Variants in TMTC2 observed in about 807,000 individuals in gnomAD.
TMTC2 encodes transmembrane O-mannosyltransferase targeting cadherins 2.
TMTC2 carries 43 observed loss-of-function variants against 82.4 expected under a neutral mutation model. The observed-to-expected ratio is 0.52, with a 90% CI of 0.41 to 0.67. The LOEUF (loss-of-function observed/expected upper bound fraction) is 0.67, where lower values mean the gene tolerates loss of function less well. Among genes scored for constraint, TMTC2 ranks in the 30% least tolerant of loss-of-function variants. The pLI is 0.00. For synonymous variants in TMTC2, 408 were observed against 381.9 expected (o/e 1.07, Z -0.80); for missense variants, 919 against 1,012.4 (o/e 0.91, Z 1.25).
intron 2 of TMTC2, among the ~76,000 whole-genome samples, chr12:82,880,565 C>T: frequency 6.6e-6 from 1 of 152,206 alleles, no homozygotes; most frequent in Non-Finnish European, 1.5e-5. Flanking sequence ...GTCCCTTCCA[C>T]TTCTTATTCC....
chr12:82,948,718 T>C (rs915359737), intron 4 of TMTC2, among the ~76,000 whole-genome samples: 7 of 152,248 alleles, frequency 4.6e-5, no homozygotes, highest in African/African-American at 1.7e-4. Flanking sequence ...TGCATTGCAC[T>C]AAATCTCTGT....
At chr12:82,795,683 G>A (rs1878684871) in intron 1 of TMTC2, among the ~76,000 whole-genome samples, 2 of 152,070 alleles carry the variant, frequency 1.3e-5, no homozygotes, top group Admixed American at 6.6e-5. Context: ...CAACTAGCTT[G>A]CCCTTCTGCC....
At chr12:82,817,620 T>C (rs1160561372) in intron 1 of TMTC2, among the ~76,000 whole-genome samples, 1 of 152,184 alleles carries the variant, frequency 6.6e-6, no homozygotes, top group Admixed American at 6.5e-5. Context: ...TTCACTGTTA[T>C]TCATTAGGTC....
At chr12:83,032,268 T>TAC (rs1363354834) in intron 9 of TMTC2, among the ~76,000 whole-genome samples, 5 of 17,222 alleles carry the variant, frequency 2.9e-4, no homozygotes, top group East Asian at 2.4e-3. Flanking sequence ...TATATATATA[T>TAC]ATATATATAT....
At chr12:83,077,552 T>G (rs1883321565) in intron 11 of TMTC2, among the ~76,000 whole-genome samples, 1 of 152,080 alleles carries the variant, frequency 6.6e-6, no homozygotes. Context: ...CCTAATTTTT[T>G]TTTACCTTGT....
At chr12:82,898,824 TG>T (rs1389998585) in intron 3 of TMTC2, among the ~76,000 whole-genome samples, 1 of 152,204 alleles carries the variant, frequency 6.6e-6, no homozygotes, top group Non-Finnish European at 1.5e-5. Context: ...ATCTTCATTC[TG>T]GGAAGCCAAG....
Position 82,727,486 on chromosome 12 carries a change from G to A in TMTC2, c.83+39817G>A, listed in dbSNP as rs184629463. Among the ~76,000 whole-genome samples the A allele has an allele frequency of 4.9e-3, 742 of 151,964 alleles. 6 individuals are homozygous for A. The highest frequency in any genetic ancestry group is 7.9e-3 in the Non-Finnish European group (536 of 67,968). On this transcript the variant is annotated intron_variant, in intron 1 of 11. Coordinates refer to ENST00000321196, the MANE Select transcript of TMTC2 (RefSeq NM_152588.3). The stretch of plus-strand genomic sequence containing the variant: ...TTTAAGGCTGGGCGTGGTGGCTCAC[G>A]GTGGAGGGTGGATCACCTGAGGTCA...
chr12:83,034,259 A>G (rs1216620207), intron 9 of TMTC2, among the ~76,000 whole-genome samples: 12 of 152,116 alleles, frequency 7.9e-5, no homozygotes, highest in Non-Finnish European at 1.5e-4. Flanking sequence ...TGAGAATATG[A>G]TATTTGAAAT....
chr12:82,781,333 C>T (rs1701321614), intron 1 of TMTC2, among the ~76,000 whole-genome samples: 1 of 150,832 alleles, frequency 6.6e-6, no homozygotes, highest in African/African-American at 2.4e-5. Flanking sequence ...ACCAACAGTC[C>T]TGTAGTACAT....
rs533889262 is a variant in TMTC2 at position 82,786,413 on chromosome 12, G to A, written c.84-70597G>A. Among the ~76,000 whole-genome samples, 11 of 152,124 alleles carry A rather than the reference G, an allele frequency of 7.2e-5. No individual in the cohort carries two copies. In the Middle Eastern group the frequency reaches 0.014, roughly 188 times the overall value. On this transcript the variant is annotated intron_variant, in intron 1 of 11. Transcript: ENST00000321196. ...CCAATAAATTGTAATGGCTCTCACC[G>A]TTCAGAAGTGATTCCTTGTATTGTA...
chr12:83,002,889 G>A (rs1412239075), intron 8 of TMTC2, among the ~76,000 whole-genome samples: 2 of 151,992 alleles, frequency 1.3e-5, no homozygotes, highest in South Asian at 4.2e-4. Context: ...TGGTTGTTGG[G>A]TGTAATATTC....
At chr12:82,899,674 T>A (rs1343581883) in intron 3 of TMTC2, among the ~76,000 whole-genome samples, 2 of 142,416 alleles carry the variant, frequency 1.4e-5, no homozygotes, top group African/African-American at 5.1e-5. Context: ...AGAATATATA[T>A]GTGGAATATA....
chr12:83,022,740 T>C (rs927553390), intron 8 of TMTC2, among the ~76,000 whole-genome samples: 9 of 152,166 alleles, frequency 5.9e-5, no homozygotes, highest in African/African-American at 1.9e-4. Context: ...CTAATCTTTT[T>C]ATTCACCTTT....
In TMTC2 at chr12:83,067,508, G is replaced by GAA. The variant is rs1448679591; in HGVS notation, c.2331+5681_2331+5682dup. On this transcript the variant is annotated intron_variant, in intron 11 of 11. Transcript: ENST00000321196. ...TGCTTCCTCCCCAGTGACTGAAGAA[G>GAA]AAAAAGGAGACTGTGAAGATACAGA... Among the ~76,000 whole-genome samples the GAA allele has an allele frequency of 2.6e-5, 4 of 151,988 alleles. No homozygotes were observed. In the East Asian group the frequency reaches 7.7e-4, roughly 29 times the overall value.
At chr12:82,706,938 G>C (rs1873389392) in intron 1 of TMTC2, among the ~76,000 whole-genome samples, 1 of 152,198 alleles carries the variant, frequency 6.6e-6, no homozygotes, top group Admixed American at 6.5e-5. Context: ...GGATGCTTCA[G>C]AGTTTGGCAC....
intron 1 of TMTC2, among the ~76,000 whole-genome samples, chr12:82,809,545 C>T (rs1879393437): frequency 6.6e-6 from 1 of 152,122 alleles, no homozygotes; most frequent in Non-Finnish European, 1.5e-5. Context: ...AGTGTTTAAA[C>T]ATACAGTATA....
chr12:82,816,986 A>C (rs1206233654), intron 1 of TMTC2, among the ~76,000 whole-genome samples: 1 of 124,684 alleles, frequency 8.0e-6, no homozygotes, highest in African/African-American at 3.0e-5. Flanking sequence ...TTTTTTTTTG[A>C]GATGGAGTTT....
chr12:82,851,453 A>G (rs1392314637), intron 1 of TMTC2, among the ~76,000 whole-genome samples: 1 of 152,152 alleles, frequency 6.6e-6, no homozygotes, highest in African/African-American at 2.4e-5. Context: ...TATGTTACCT[A>G]TGTTACATAC....
At chr12:83,025,549 G>T (rs932985393) in intron 8 of TMTC2, among the ~76,000 whole-genome samples, 7 of 152,104 alleles carry the variant, frequency 4.6e-5, no homozygotes, top group African/African-American at 1.4e-4. Context: ...AAACCAAGCC[G>T]TTGTCCCGCA....
Sources: allele counts gnomAD v4.1 joint callset (sites outside exome capture counted in the v4.1 genomes callset), GRCh38; gene constraint gnomAD v4.1.1; transcripts MANE v1.5; gene names NCBI Gene and HGNC (gene_info 2026-07-23, HGNC 2026-07-21).